The following NUBPL variants were observed in gnomAD, a reference collection of about 807,000 sequenced individuals.
The protein encoded by NUBPL is NUBP iron-sulfur cluster assembly factor, mitochondrial, also known as iron-sulfur cluster transfer protein NUBPL.
Under a neutral mutation model 45.7 loss-of-function variants are expected in NUBPL, and 31 were observed. The ratio of observed to expected loss-of-function variants is 0.68; its 90% CI spans 0.51 to 0.92. The LOEUF is 0.92. Among genes scored for constraint, NUBPL ranks in the 40% least tolerant of loss-of-function variants. The pLI is 0.00. For synonymous variants in NUBPL, 144 were observed against 140.9 expected (o/e 1.02, Z -0.15); for missense variants, 401 against 398.7 (o/e 1.01, Z -0.05).
chr14:31,623,255 C>G (rs1167022996), intron 4 of NUBPL, among the ~76,000 whole-genome samples: 2 of 152,158 alleles, frequency 1.3e-5, no homozygotes, highest in Non-Finnish European at 2.9e-5. Context: ...CCCATTGTAT[C>G]TTGCAAGTAG....
chr14:31,634,719 T>C (rs1379747849), intron 4 of NUBPL, among the ~76,000 whole-genome samples: 6 of 152,024 alleles, frequency 3.9e-5, no homozygotes, highest in Non-Finnish European at 8.8e-5. Flanking sequence ...TGTAAAAGTG[T>C]TCCTATTTCT....
At chr14:31,739,344 C>A (rs2038234534) in intron 6 of NUBPL, among the ~76,000 whole-genome samples, 1 of 151,038 alleles carries the variant, frequency 6.6e-6, no homozygotes, top group African/African-American at 2.4e-5. Flanking sequence ...CTTGGCCTCC[C>A]AGAGTGCTGG....
At chr14:31,745,853 G>A (rs1183878107) in intron 6 of NUBPL, among the ~76,000 whole-genome samples, 5 of 151,950 alleles carry the variant, frequency 3.3e-5, no homozygotes, top group African/African-American at 7.3e-5. Context: ...GATAAGGAAC[G>A]CTGAAAACAG....
At chr14:31,674,503 C>T (rs776255687) in intron 6 of NUBPL, among the ~76,000 whole-genome samples, 17 of 151,984 alleles carry the variant, frequency 1.1e-4, no homozygotes, top group Non-Finnish European at 1.8e-4. Flanking sequence ...TCATTTTCTC[C>T]TCTTTTACTG....
chr14:31,606,721 CA>C (rs1196890392), intron 4 of NUBPL, among the ~76,000 whole-genome samples: 1 of 152,104 alleles, frequency 6.6e-6, no homozygotes, highest in African/African-American at 2.4e-5. Context: ...TTTGGGGTAT[CA>C]TAGATATGTG....
chr14:31,712,576 G>A (rs947970792), intron 6 of NUBPL, among the ~76,000 whole-genome samples: 1 of 152,234 alleles, frequency 6.6e-6, no homozygotes, highest in Admixed American at 6.5e-5. Flanking sequence ...CCAGAGAGGG[G>A]CCCCCACAGC....
chr14:31,819,585 T>C (rs911074755), intron 7 of NUBPL, among the ~76,000 whole-genome samples: 2 of 152,238 alleles, frequency 1.3e-5, no homozygotes, highest in African/African-American at 4.8e-5. Context: ...CAGTTTTAAA[T>C]GTTTAACTAC....
chr14:31,570,876 C>G (rs1450802447), intron 3 of NUBPL, among the ~76,000 whole-genome samples: 1 of 152,226 alleles, frequency 6.6e-6, no homozygotes, highest in African/African-American at 2.4e-5. Flanking sequence ...GACCTTTTAC[C>G]TGCCCGTACT....
chr14:31,596,096 C>T (rs1336067477), intron 3 of NUBPL, among the ~76,000 whole-genome samples: 2 of 151,742 alleles, frequency 1.3e-5, no homozygotes, highest in Non-Finnish European at 2.9e-5. Context: ...TTAGTAGAGA[C>T]GGGGTTTCAC....
chr14:31,831,518 T>TACC (rs1555342410), intron 8 of NUBPL, among the ~76,000 whole-genome samples: 3,242 of 60,648 alleles, frequency 0.053, 111 homozygotes, highest in African/African-American at 0.083. Flanking sequence ...CATACCATAC[T>TACC]ATACTCATAC....
chr14:31,811,791 A>C (rs2039810247), intron 7 of NUBPL, among the ~76,000 whole-genome samples: 1 of 152,134 alleles, frequency 6.6e-6, no homozygotes, highest in Non-Finnish European at 1.5e-5. Flanking sequence ...GTTGACCTAC[A>C]GATGGGGTTT....
At chr14:31,790,422 T>C (rs1360763272) in intron 7 of NUBPL, among the ~76,000 whole-genome samples, 1 of 152,022 alleles carries the variant, frequency 6.6e-6, no homozygotes, top group Admixed American at 6.5e-5. Context: ...AGACATAGTC[T>C]TTTTTTTGTT....
chr14:31,802,032 A>G (rs1281023428), intron 7 of NUBPL, among the ~76,000 whole-genome samples: 1 of 152,214 alleles, frequency 6.6e-6, no homozygotes, highest in Non-Finnish European at 1.5e-5. Flanking sequence ...CATGTGTTAG[A>G]AACTTATTTG....
At chr14:31,669,895 A>G (rs4981878) in intron 4 of NUBPL, among the ~76,000 whole-genome samples, 149,684 of 149,846 alleles carry the variant, frequency 1, 74,762 homozygotes, top group Middle Eastern at 1. Flanking sequence ...TGGGTATTTA[A>G]GTTGATTTAA....
intron 4 of NUBPL, among the ~76,000 whole-genome samples, chr14:31,622,743 T>G (rs2035099116): frequency 6.6e-6 from 1 of 152,224 alleles, no homozygotes; most frequent in Non-Finnish European, 1.5e-5. Context: ...AGCTCTGCCT[T>G]GATTTCAGAG....
intron 4 of NUBPL, among the ~76,000 whole-genome samples, chr14:31,602,184 A>T (rs2034453377): frequency 6.6e-6 from 1 of 152,130 alleles, no homozygotes; most frequent in Admixed American, 6.5e-5. Flanking sequence ...GTGGGAATTG[A>T]ACAATGAGAA....
Position 31,788,142 on chromosome 14 carries a change from CA to C in NUBPL, c.607+274del, listed in dbSNP as rs199831880. On this transcript the variant is annotated intron_variant, in intron 7 of 10. Coordinates refer to ENST00000281081, the MANE Select transcript of NUBPL (RefSeq NM_025152.3). Reference sequence around the variant, plus strand: ...GAATTTGTCCAAGAGACAATTTTAGCAAAAAGAACAGAGAATTTATTGAAGA... The same window carrying C: ...GAATTTGTCCAAGAGACAATTTTAGCAAAAGAACAGAGAATTTATTGAAGA... 6.5e-3 allele frequency among the ~76,000 whole-genome samples: 995 copies of C among 152,124 alleles called. 11 individuals are homozygous for C. Among genetic ancestry groups the C allele is most frequent in the African/African-American group, 0.022 (932 of 41,504 alleles).
In NUBPL at chr14:31,654,026, G is replaced by C. The variant is rs1268918389; in HGVS notation, c.383-19329G>C. ...GAAGATATTATGTCTGTTTTTCTTT[G>C]CTACTATAGCACTAACACCAAACTT... On this transcript the variant is annotated intron_variant, in intron 4 of 10. Coordinates refer to ENST00000281081, the MANE Select transcript of NUBPL (RefSeq NM_025152.3). The C allele has an allele frequency of 7.0e-6, 3 of 431,466 alleles. 1 individual carries two copies. Among genetic ancestry groups the C allele is most frequent in the Non-Finnish European group, 1.4e-5 (3 of 211,356 alleles). The allele number at this position is 431,466 out of a possible 1,614,324, so 26.7% of individuals were successfully genotyped here. A position where few individuals can be genotyped will look rare whatever the true frequency, so the allele number is the denominator to read the frequency against.
In NUBPL at chr14:31,770,738, G is replaced by A. The variant is rs999845662; in HGVS notation, c.514-17042G>A. ...AACTAGAAACTAAATTTCTCCTAAA[G>A]TTAGCTTGGCCCATGCCCTGGAAAG... On this transcript the variant is annotated intron_variant, in intron 6 of 10. Transcript: ENST00000281081. 4.6e-5 allele frequency among the ~76,000 whole-genome samples: 7 copies of A among 152,272 alleles called. No homozygotes were observed. The South Asian group carries it at 1.4e-3, about 32-fold the overall frequency.
Sources: allele counts gnomAD v4.1 joint callset (sites outside exome capture counted in the v4.1 genomes callset), GRCh38; gene constraint gnomAD v4.1.1; transcripts MANE v1.5; gene names NCBI Gene and HGNC (gene_info 2026-07-23, HGNC 2026-07-21).